BNC2: variants seen among roughly 807,000 people sequenced by gnomAD.
The protein encoded by BNC2 is zinc finger protein basonuclin-2.
In BNC2, 20 loss-of-function variants were observed where a neutral mutation model predicts 76.3. The ratio of observed to expected loss-of-function variants is 0.26; its 90% CI spans 0.18 to 0.38. The LOEUF is 0.38. Ranked by LOEUF, BNC2 falls within the 10% of genes least tolerant of loss-of-function variation. The probability of loss-of-function intolerance (pLI) is 1.00; values close to 1 mark genes in which losing one functional copy is unlikely to be tolerated. For synonymous variants in BNC2, 582 were observed against 514.8 expected, an observed-to-expected ratio of 1.13 and a Z score of -1.77; for missense variants, 1,382 against 1,399.8, an observed-to-expected ratio of 0.99 and a Z score of 0.20.
rs149628252 is a variant in BNC2, at chr9:16,735,457, T to C, written c.129+2903A>G. Among the ~76,000 whole-genome samples the C allele has an allele frequency of 2.0e-3, 297 of 151,566 alleles. 1 individual carries two copies. Among genetic ancestry groups the C allele is most frequent in the African/African-American group, 6.6e-3 (273 of 41,278 alleles). ...ACACAACGGGAAATTAACATGAACATGAAAGTTGCAAGAATTATAAAGGTA... is the reference window on the plus strand; with the variant it reads ...ACACAACGGGAAATTAACATGAACACGAAAGTTGCAAGAATTATAAAGGTA... On this transcript the variant is annotated intron_variant, in intron 2 of 6. Transcript: ENST00000380672.
intron 2 of BNC2, among the ~76,000 whole-genome samples, chr9:16,729,014 T>C (rs1824433212): frequency 6.6e-6 from 1 of 152,154 alleles, no homozygotes; most frequent in Admixed American, 6.5e-5. Flanking sequence ...CAAAAAGTAA[T>C]GAATATAAAA....
intron 5 of BNC2, among the ~76,000 whole-genome samples, chr9:16,536,461 A>G (rs1818133052): frequency 6.6e-6 from 1 of 152,152 alleles, no homozygotes; most frequent in African/African-American, 2.4e-5. Flanking sequence ...TATTCTATCT[A>G]AATGTATTTC....
intron 3 of BNC2, among the ~76,000 whole-genome samples, chr9:16,698,721 A>G (rs1823416031): frequency 6.6e-6 from 1 of 152,252 alleles, no homozygotes; most frequent in East Asian, 1.9e-4. Flanking sequence ...ATGAATACCT[A>G]TATTTACGGA....
chr9:16,748,005 T>C (rs1002921036), intron 1 of BNC2, among the ~76,000 whole-genome samples: 8 of 65,616 alleles, frequency 1.2e-4, no homozygotes, highest in African/African-American at 3.4e-4. Flanking sequence ...TAAGTAGTCA[T>C]TAAGAAGAAT....
At chr9:16,443,733 C>T (rs749230832) in intron 5 of BNC2, among the ~76,000 whole-genome samples, 2 of 152,082 alleles carry the variant, frequency 1.3e-5, no homozygotes, top group Non-Finnish European at 2.9e-5. Context: ...GAATGAAAGA[C>T]GTTAGACCCA....
chr9:16,833,089 C>T (rs1261393293), intron 1 of BNC2, among the ~76,000 whole-genome samples: 3 of 151,460 alleles, frequency 2.0e-5, no homozygotes, highest in Non-Finnish European at 2.9e-5. Context: ...CCCAATGTTG[C>T]GTTTATTTGT....
At chr9:16,499,697 C>T (rs10810572) in intron 5 of BNC2, among the ~76,000 whole-genome samples, 35,530 of 151,230 alleles carry the variant, frequency 0.23, 5,212 homozygotes, top group African/African-American at 0.42. Flanking sequence ...GTCTGGCTAA[C>T]TTTTTGAATT....
At chr9:16,500,172 AC>A in intron 5 of BNC2, among the ~76,000 whole-genome samples, 1 of 151,128 alleles carries the variant, frequency 6.6e-6, no homozygotes, top group African/African-American at 2.4e-5. Context: ...TCTCTCCTCT[AC>A]CCCTTTTCAA....
rs1195667598 is a variant in BNC2 at position 16,682,321 on chromosome 9, C to T, written c.330+45476G>A. On this transcript the variant is annotated intron_variant, in intron 3 of 6. Transcript: ENST00000380672. ...CTCCAACATCATAGGAATTTAAATC[C>T]GTTCATAGTGATCGACAGACTTCGA... Among the ~76,000 whole-genome samples, 8 of 103,512 alleles carry T rather than the reference C, an allele frequency of 7.7e-5. 1 individual carries two copies. Among genetic ancestry groups the T allele is most frequent in the Admixed American group, 6.2e-4 (6 of 9,604 alleles). The allele number at this position is 103,512 out of a possible 152,430, so 67.9% of individuals were successfully genotyped here.
chr9:16,767,192 T>C (rs1369212153), intron 1 of BNC2, among the ~76,000 whole-genome samples: 2 of 152,204 alleles, frequency 1.3e-5, no homozygotes, highest in African/African-American at 4.8e-5. Context: ...CTCTCCATAT[T>C]ATAGACCAGA....
intron 3 of BNC2, among the ~76,000 whole-genome samples, chr9:16,627,484 A>G: frequency 6.6e-6 from 1 of 152,204 alleles, no homozygotes; most frequent in East Asian, 1.9e-4. Context: ...CCAATATTCA[A>G]TGCGGCTCAC....
chr9:16,732,080 C>G (rs1363685072), intron 2 of BNC2, among the ~76,000 whole-genome samples: 1 of 145,936 alleles, frequency 6.9e-6, no homozygotes, highest in East Asian at 2.0e-4. Context: ...ATAATTCCCA[C>G]AACCGTTTAA....
chr9:16,633,954 T>C (rs1563873234), intron 3 of BNC2, among the ~76,000 whole-genome samples: 4 of 152,232 alleles, frequency 2.6e-5, no homozygotes, highest in Admixed American at 2.6e-4. Context: ...CTCTAGGCTA[T>C]TTAGCAAAAG....
chr9:16,762,585 A>G (rs911179872), intron 1 of BNC2, among the ~76,000 whole-genome samples: 18 of 152,190 alleles, frequency 1.2e-4, no homozygotes, highest in Admixed American at 1.2e-3. Context: ...GAAGTAGACT[A>G]CAGCTACCCC....
chr9:16,495,253 G>C (rs148311528), intron 5 of BNC2, among the ~76,000 whole-genome samples: 51 of 152,324 alleles, frequency 3.3e-4, no homozygotes, highest in African/African-American at 8.7e-4. Flanking sequence ...TAACATGAGA[G>C]AGGGTAGCAG....
intron 5 of BNC2, among the ~76,000 whole-genome samples, chr9:16,497,985 G>GTGTGTC (rs1554653627): frequency 1.8e-5 from 2 of 113,594 alleles, no homozygotes; most frequent in Middle Eastern, 3.7e-3. Context: ...TGTGGTGTGT[G>GTGTGTC]TGTGTGTGTG....
chr9:16,831,295 A>C (rs563574425), intron 1 of BNC2, among the ~76,000 whole-genome samples: 1 of 152,252 alleles, frequency 6.6e-6, no homozygotes, highest in Non-Finnish European at 1.5e-5. Flanking sequence ...ACATTTGCAC[A>C]ATGAAGTGCC....
intron 5 of BNC2, among the ~76,000 whole-genome samples, chr9:16,459,787 CAAAT>C (rs1821535658): frequency 6.6e-6 from 1 of 151,864 alleles, no homozygotes; most frequent in African/African-American, 2.4e-5. Context: ...ACCTTATCAA[CAAAT>C]AAAAAGAAAA....
intron 5 of BNC2, among the ~76,000 whole-genome samples, chr9:16,529,806 A>G (rs371431990): frequency 5.3e-5 from 8 of 152,142 alleles, no homozygotes; most frequent in East Asian, 3.9e-4. Context: ...AAATCCCCAA[A>G]CCGAAATCTA....
Sources: allele counts gnomAD v4.1 joint callset (sites outside exome capture counted in the v4.1 genomes callset), GRCh38; gene constraint gnomAD v4.1.1; transcripts MANE v1.5; gene names NCBI Gene and HGNC (gene_info 2026-07-23, HGNC 2026-07-21).